Variants in CERS6 observed in about 807,000 individuals in gnomAD.
The protein encoded by CERS6 is LAG1 homolog, ceramide synthase 6.
In CERS6, 26 loss-of-function variants were observed where a neutral mutation model predicts 56.8. That is an observed-to-expected ratio of 0.46 (90% CI 0.34 to 0.63). The LOEUF (loss-of-function observed/expected upper bound fraction) is 0.63, where lower values mean the gene tolerates loss of function less well. Among genes scored for constraint, CERS6 ranks in the 30% least tolerant of loss-of-function variants. The pLI, the probability that CERS6 is intolerant of heterozygous loss-of-function variation, is 0.01. For missense variants in CERS6, 415 were observed against 467.5 expected, an observed-to-expected ratio of 0.89 and a Z score of 1.04; for synonymous variants, 164 against 173.3, an observed-to-expected ratio of 0.95 and a Z score of 0.42.
chr2:168,506,644 C>G (rs1694683124), intron 1 of CERS6, among the ~76,000 whole-genome samples: 1 of 152,140 alleles, frequency 6.6e-6, no homozygotes, highest in South Asian at 2.1e-4. Flanking sequence ...ACTTTTGCTG[C>G]TTCTGATGCT....
chr2:168,581,890 CAG>C lies in CERS6; in HGVS notation c.407+20573_407+20574del, dbSNP rs538581162. On this transcript the variant is annotated intron_variant, in intron 3 of 9. Coordinates refer to ENST00000305747, the MANE Select transcript of CERS6 (RefSeq NM_203463.3). ...AGGCCTAGGAAGATGATGATTCTCT[CAG>C]AGAGTTTATGCTTATGCTCCTGTCC... is the stretch of plus-strand genomic sequence containing the variant. Among the ~76,000 whole-genome samples the C allele has an allele frequency of 3.6e-3, 547 of 152,258 alleles. 4 individuals are homozygous for C. Among genetic ancestry groups the C allele is most frequent in the Non-Finnish European group, 5.7e-3 (386 of 68,008 alleles).
chr2:168,572,422 G>C (rs912633608), intron 3 of CERS6, among the ~76,000 whole-genome samples: 2 of 151,936 alleles, frequency 1.3e-5, no homozygotes, highest in East Asian at 3.8e-4. Flanking sequence ...AGTAAAGAGA[G>C]GTGGAATACC....
At chr2:168,547,781 G>A in intron 2 of CERS6, 80 bp downstream of exon 2, 2 of 1,011,536 alleles carry the variant, frequency 2.0e-6, no homozygotes, top group Non-Finnish European at 1.5e-6. Flanking sequence ...GTCCCCTTCT[G>A]GGTTTGGAGA....
intron 4 of CERS6, among the ~76,000 whole-genome samples, chr2:168,678,114 A>G (rs1686111674): frequency 6.6e-6 from 1 of 152,222 alleles, no homozygotes; most frequent in Admixed American, 6.5e-5. Flanking sequence ...AATTAGTTCA[A>G]CCATTGTGGA....
At chr2:168,702,207 A>G (rs985893848) in intron 6 of CERS6, among the ~76,000 whole-genome samples, 1 of 152,200 alleles carries the variant, frequency 6.6e-6, no homozygotes, top group Non-Finnish European at 1.5e-5. Flanking sequence ...CTTCTTGAGT[A>G]TATATTGAAA....
At chr2:168,679,368 A>G (rs1452140625) in intron 4 of CERS6, among the ~76,000 whole-genome samples, 2 of 152,218 alleles carry the variant, frequency 1.3e-5, no homozygotes, top group Non-Finnish European at 2.9e-5. Context: ...TGATGGATAT[A>G]TGAACTACCC....
chr2:168,469,457 C>T (rs1282428623), intron 1 of CERS6, among the ~76,000 whole-genome samples: 2 of 151,998 alleles, frequency 1.3e-5, no homozygotes, highest in Non-Finnish European at 1.5e-5. Context: ...GACAAATTAC[C>T]AAAAATTGCC....
At chr2:168,587,222 A>G (rs781166938) in intron 3 of CERS6, among the ~76,000 whole-genome samples, 3 of 152,166 alleles carry the variant, frequency 2.0e-5, no homozygotes, top group Non-Finnish European at 2.9e-5. Context: ...GTAAAACAAA[A>G]TAAAAGTTTA....
At chr2:168,598,791 T>C (rs1683864920) in intron 3 of CERS6, among the ~76,000 whole-genome samples, 1 of 152,224 alleles carries the variant, frequency 6.6e-6, no homozygotes, top group South Asian at 2.1e-4. Context: ...ATTGCGGTGA[T>C]ACAACATAGA....
At chr2:168,613,875 C>T (rs566827104) in intron 3 of CERS6, among the ~76,000 whole-genome samples, 1 of 152,320 alleles carries the variant, frequency 6.6e-6, no homozygotes, top group Admixed American at 6.5e-5. Context: ...TTATTTAGAA[C>T]ATGAGGTGCT....
intron 1 of CERS6, among the ~76,000 whole-genome samples, chr2:168,478,803 C>CT (rs1694125277): frequency 6.6e-6 from 1 of 152,128 alleles, no homozygotes. Flanking sequence ...ATCATTAGTC[C>CT]TTTTAGAATT....
intron 3 of CERS6, among the ~76,000 whole-genome samples, chr2:168,570,593 G>A (rs191293160): frequency 5.3e-5 from 8 of 152,204 alleles, no homozygotes; most frequent in Admixed American, 5.2e-4. Flanking sequence ...GGAGGTCAGC[G>A]TGACTTCTGG....
intron 8 of CERS6, among the ~76,000 whole-genome samples, chr2:168,719,953 T>A (rs1222720924): frequency 6.6e-6 from 1 of 151,986 alleles, no homozygotes; most frequent in Non-Finnish European, 1.5e-5. Flanking sequence ...TTTTTTTTTT[T>A]AAGACAGAGT....
intron 3 of CERS6, among the ~76,000 whole-genome samples, chr2:168,574,970 T>C (rs1279356729): frequency 6.6e-6 from 1 of 152,328 alleles, no homozygotes; most frequent in Non-Finnish European, 1.5e-5. Context: ...TTTTCTGGCT[T>C]TCTGACTTTT....
At chr2:168,730,054 G>C (rs1683476435) in intron 8 of CERS6, among the ~76,000 whole-genome samples, 1 of 152,210 alleles carries the variant, frequency 6.6e-6, no homozygotes, top group African/African-American at 2.4e-5. Context: ...AATGACGACT[G>C]AGACTTTGCA....
chr2:168,688,922 G>A (rs939339837), intron 4 of CERS6, among the ~76,000 whole-genome samples: 5 of 152,170 alleles, frequency 3.3e-5, no homozygotes, highest in Non-Finnish European at 7.4e-5. Flanking sequence ...CTGGGTTTTA[G>A]AAGACTAATC....
At chr2:168,611,852 C>G (rs929090555) in intron 3 of CERS6, among the ~76,000 whole-genome samples, 2 of 152,160 alleles carry the variant, frequency 1.3e-5, no homozygotes, top group African/African-American at 4.8e-5. Context: ...TACTGCTTAA[C>G]CACTTTGTAA....
At chr2:168,684,849 G>A (rs566627557) in intron 4 of CERS6, among the ~76,000 whole-genome samples, 1 of 152,144 alleles carries the variant, frequency 6.6e-6, no homozygotes, top group Non-Finnish European at 1.5e-5. Flanking sequence ...AATGTCCTGT[G>A]GAACTTAGAC....
chr2:168,602,592 T>A (rs1282438477), intron 3 of CERS6, among the ~76,000 whole-genome samples: 1 of 152,206 alleles, frequency 6.6e-6, no homozygotes, highest in Non-Finnish European at 1.5e-5. Flanking sequence ...AGATATGTAG[T>A]TTGCTCCCAG....
Sources: allele counts gnomAD v4.1 joint callset (sites outside exome capture counted in the v4.1 genomes callset), GRCh38; gene constraint gnomAD v4.1.1; transcripts MANE v1.5; gene names NCBI Gene and HGNC (gene_info 2026-07-23, HGNC 2026-07-21).